SLC38A1: variants seen among roughly 807,000 people sequenced by gnomAD.
SLC38A1 encodes solute carrier family 38 member 1.
A neutral mutation model predicts 60.3 loss-of-function variants in SLC38A1; 18 were observed. The observed-to-expected ratio is 0.30, with a 90% CI of 0.21 to 0.44. The LOEUF is 0.44. Ranked by LOEUF, SLC38A1 falls within the 20% of genes least tolerant of loss-of-function variation. The pLI is 1.00. For missense variants in SLC38A1, 448 were observed against 587.2 expected (o/e 0.76, Z 2.45); for synonymous variants, 196 against 212.1 (o/e 0.92, Z 0.66).
intron 16 of SLC38A1, 43 bp downstream of exon 16, chr12:46,197,677 G>A: frequency 7.8e-7 from 1 of 1,283,096 alleles, no homozygotes; most frequent in Non-Finnish European, 1.1e-6. Context: ...AATTTAAATG[G>A]AAAACTAATC....
intron 5 of SLC38A1, among the ~76,000 whole-genome samples, chr12:46,215,041 G>T (rs370099757): frequency 1.3e-5 from 2 of 152,324 alleles, no homozygotes; most frequent in Non-Finnish European, 2.9e-5. Flanking sequence ...TGTTAAAATG[G>T]ATGGGTCGGG....
chr12:46,209,873 G>A (rs1489521119), intron 5 of SLC38A1, among the ~76,000 whole-genome samples: 2 of 151,964 alleles, frequency 1.3e-5, no homozygotes, highest in Non-Finnish European at 2.9e-5. Flanking sequence ...TTATATAGAT[G>A]ATTTCTGAAA....
intron 7 of SLC38A1, 93 bp downstream of exon 7, chr12:46,207,436 A>G: frequency 1.6e-6 from 2 of 1,272,052 alleles, no homozygotes; most frequent in Non-Finnish European, 2.3e-6. Context: ...AGCAATGAGG[A>G]TGATAACTGC....
intron 1 of SLC38A1, among the ~76,000 whole-genome samples, chr12:46,260,010 C>T (rs1202348511): frequency 6.6e-6 from 1 of 152,136 alleles, no homozygotes; most frequent in Non-Finnish European, 1.5e-5. Context: ...TTCTCTTTGC[C>T]TTAGTTTCCT....
At chr12:46,242,577 C>A (rs1169312160) in intron 2 of SLC38A1, among the ~76,000 whole-genome samples, 1 of 152,074 alleles carries the variant, frequency 6.6e-6, no homozygotes, top group Non-Finnish European at 1.5e-5. Flanking sequence ...TTTGAGACAA[C>A]ATGGCAAAAC....
intron 14 of SLC38A1, 62 bp downstream of exon 14, chr12:46,198,563 T>A (rs769423050): frequency 1.6e-4 from 189 of 1,169,134 alleles, no homozygotes; most frequent in Non-Finnish European, 2.2e-4. Flanking sequence ...AACGGGCTCC[T>A]GCAGGCAGAA....
At chr12:46,256,608 C>A (rs545887911) in intron 1 of SLC38A1, among the ~76,000 whole-genome samples, 7 of 92,380 alleles carry the variant, frequency 7.6e-5, no homozygotes, top group African/African-American at 4.0e-4. Context: ...TTTGCGCGCG[C>A]GCGCGCACAC....
intron 1 of SLC38A1, among the ~76,000 whole-genome samples, chr12:46,254,540 C>T (rs1941960340): frequency 6.6e-6 from 1 of 152,190 alleles, no homozygotes; most frequent in Admixed American, 6.5e-5. Flanking sequence ...CTTTTTAGAA[C>T]CAAGCCTTGC....
Position 46,268,989 on chromosome 12 carries a change from G to T in SLC38A1, c.-672C>A, listed in dbSNP as rs1458721051. On this transcript the variant is annotated 5_prime_UTR_variant, in exon 1 of 17. Coordinates refer to ENST00000398637, the MANE Select transcript of SLC38A1 (RefSeq NM_030674.4). The surrounding 1 kb of genome is among the most constrained non-coding windows in gnomAD (Gnocchi z 4.4). Reference sequence around the variant, plus strand: ...GACAGGCCATTCCTCCCCGTCCCGCGCGCGGTCTCCTCCCCTCCTGTGCGC... The same window carrying T: ...GACAGGCCATTCCTCCCCGTCCCGCTCGCGGTCTCCTCCCCTCCTGTGCGC... 1 of 390,408 alleles carries T rather than the reference G, an allele frequency of 2.6e-6. No individual in the cohort carries two copies. Among genetic ancestry groups the T allele is most frequent in the Non-Finnish European group, 5.4e-6 (1 of 185,936 alleles). 24.2% of individuals were successfully genotyped at this position (390,408 alleles called of 1,614,324 possible).
intron 6 of SLC38A1, 57 bp from the exon 7 acceptor site, chr12:46,207,678 T>G: frequency 6.7e-7 from 1 of 1,495,658 alleles, no homozygotes; most frequent in South Asian, 1.1e-5. Context: ...AAAGTTAAAA[T>G]AGTCAAGATT....
chr12:46,246,252 C>T (rs941599346), intron 1 of SLC38A1, among the ~76,000 whole-genome samples: 1 of 152,202 alleles, frequency 6.6e-6, no homozygotes, highest in Non-Finnish European at 1.5e-5. Context: ...CCTCGTCAGG[C>T]CAAGGGAAGC....
At chr12:46,226,959 C>T (rs1940891069) in intron 5 of SLC38A1, among the ~76,000 whole-genome samples, 1 of 152,078 alleles carries the variant, frequency 6.6e-6, no homozygotes, top group South Asian at 2.1e-4. Context: ...GCACCCAATG[C>T]CTGACACAAT....
intron 12 of SLC38A1, among the ~76,000 whole-genome samples, chr12:46,202,366 TAA>T (rs1939701806): frequency 6.6e-6 from 1 of 152,202 alleles, no homozygotes; most frequent in Non-Finnish European, 1.5e-5. Context: ...CGATCTTTTC[TAA>T]GTTTTTAAGA....
chr12:46,206,230 AT>A (rs1939893620), intron 8 of SLC38A1, 68 bp from the exon 9 acceptor site: 2 of 829,646 alleles, frequency 2.4e-6, no homozygotes, highest in Non-Finnish European at 3.9e-6. Flanking sequence ...CCAATGTAAA[AT>A]TTCATGATAT....
At chr12:46,265,521 G>A (rs2139106260) in intron 1 of SLC38A1, among the ~76,000 whole-genome samples, 1 of 152,258 alleles carries the variant, frequency 6.6e-6, no homozygotes, top group African/African-American at 2.4e-5. Context: ...TGATAGGGAG[G>A]GAATAGGGTG....
intron 7 of SLC38A1, 49 bp downstream of exon 7, chr12:46,207,480 C>G (rs1939960312): frequency 6.6e-7 from 1 of 1,514,454 alleles, no homozygotes; most frequent in Non-Finnish European, 9.2e-7. Context: ...GGCCGCTCAT[C>G]CACCAGAATT....
At chr12:46,221,744 G>A (rs1940667683) in intron 5 of SLC38A1, among the ~76,000 whole-genome samples, 2 of 152,208 alleles carry the variant, frequency 1.3e-5, no homozygotes, top group Admixed American at 1.3e-4. Flanking sequence ...TGCCCTTGTA[G>A]GGCTCAGCAT....
chr12:46,254,040 G>T (rs1004267503), intron 1 of SLC38A1, among the ~76,000 whole-genome samples: 8 of 152,156 alleles, frequency 5.3e-5, no homozygotes, highest in Non-Finnish European at 1.0e-4. Flanking sequence ...TATACAGAGT[G>T]CCATAGCAAT....
At chr12:46,233,064 G>A (rs953897634) in intron 3 of SLC38A1, among the ~76,000 whole-genome samples, 4 of 152,148 alleles carry the variant, frequency 2.6e-5, no homozygotes, top group African/African-American at 9.6e-5. Context: ...TGCTGCCCAA[G>A]CTGGAGTGCA....
Sources: allele counts gnomAD v4.1 joint callset (sites outside exome capture counted in the v4.1 genomes callset), GRCh38; gene constraint gnomAD v4.1.1; non-coding constraint Gnocchi (gnomAD v3.1); transcripts MANE v1.5; gene names NCBI Gene and HGNC (gene_info 2026-07-23, HGNC 2026-07-21).